Variants in CCK observed in about 807,000 individuals in gnomAD.
CCK encodes cholecystokinin triacontatriapeptide.
In CCK, 11 loss-of-function variants were observed where a neutral mutation model predicts 10.1. The ratio of observed to expected loss-of-function variants is 1.09; its 90% CI spans 0.69 to 1.81. CCK has a LOEUF of 1.81. CCK is among the 40% of genes most tolerant of loss of function. CCK has a pLI of 0.00. For missense variants in CCK, 137 were observed against 159.9 expected, an observed-to-expected ratio of 0.86 and a Z score of 0.77; for synonymous variants, 83 against 71.9, an observed-to-expected ratio of 1.15 and a Z score of -0.78.
intron 4 of CCK, among the ~76,000 whole-genome samples, chr3:42,259,466 T>C (rs1452003714): frequency 1.3e-5 from 2 of 152,208 alleles, no homozygotes; most frequent in Non-Finnish European, 2.9e-5. Context: ...GAGTTGATGA[T>C]CATTTTATTT....
chr3:42,263,032 C>T, intron 4 of CCK: 1 of 346,418 alleles, frequency 2.9e-6, no homozygotes. Context: ...GCATTGACCC[C>T]TTCCTGCTAG....
intron 4 of CCK, 159 bp downstream of exon 4, chr3:42,263,258 T>C (rs1711240317): frequency 1.8e-6 from 2 of 1,095,470 alleles, no homozygotes; most frequent in East Asian, 4.7e-5. Flanking sequence ...AAGTCCTCCA[T>C]ACCCCTTCTC....
rs779667586 is a variant in CCK, at chr3:42,263,298, T to C, written c.214+119A>G. 17 of 1,471,334 alleles carry C rather than the reference T, an allele frequency of 1.2e-5. No individual in the cohort carries two copies. The East Asian group carries it at 2.7e-4, about 23-fold the overall frequency. The allele number at this position is 1,471,334 out of a possible 1,614,324, so 91.1% of individuals were successfully genotyped here. On this transcript the variant is annotated intron_variant, in intron 4 of 4. Coordinates refer to ENST00000396169, the MANE Select transcript of CCK (RefSeq NM_000729.6). The stretch of plus-strand genomic sequence containing the variant: ...TGCTACAAAGGACCGCCAGAAATCA[T>C]GTTGCTTGTTTCCTACCGAGAGAGG...
Position 42,258,113 on chromosome 3 carries a change from A to G in CCK, c.333T>C (p.Tyr111=), listed in dbSNP as rs1279699375. 6.8e-6 allele frequency: 11 copies of G among 1,613,738 alleles called. No individual in the cohort carries two copies. Among genetic ancestry groups the G allele is most frequent in the Non-Finnish European group, 9.3e-6 (11 of 1,179,904 alleles). ...GCTGGGTCCTCTAGGAGGGGTACTC[A>G]TACTCCTCGGCACTGCGACGGCCAA... is the stretch of plus-strand genomic sequence containing the variant. ...MDFGRRSAEE[Y]EYPS Residue 111 remains tyrosine, a synonymous_variant, in exon 5 of 5, where the codon TAT becomes TAC. Transcript: ENST00000396169.
rs892305990 is a variant in CCK, at chr3:42,264,004, AT to A, written c.-2-373del. On this transcript the variant is annotated intron_variant, in intron 3 of 4. Coordinates refer to ENST00000396169, the MANE Select transcript of CCK (RefSeq NM_000729.6). Reference sequence around the variant, plus strand: ...CGAGATTAAAAATAGTGTGAAAAAAATATCCTAAAGGGAAGACTCCGTGGGA... The same window carrying A: ...CGAGATTAAAAATAGTGTGAAAAAAAATCCTAAAGGGAAGACTCCGTGGGA... 40 of 203,590 alleles carry A rather than the reference AT, an allele frequency of 2.0e-4. No homozygotes were observed. In the Middle Eastern group the frequency reaches 7.0e-3, roughly 36 times the overall value. 12.6% of individuals were successfully genotyped at this position (203,590 alleles called of 1,614,324 possible).
chr3:42,258,269 A>G (rs1336186796), intron 4 of CCK, 38 bp from the exon 5 acceptor site: 2 of 1,595,412 alleles, frequency 1.3e-6, no homozygotes, highest in Admixed American at 1.8e-5. Context: ...GGGACATTGC[A>G]TCTAAAAGCA....
At position 42,263,607 on chromosome 3, in the gene CCK, G is replaced by A. The variant is rs1029358893; in HGVS notation, c.24C>T (p.Cys8=). 3 of 1,603,522 alleles carry A rather than the reference G, an allele frequency of 1.9e-6. No homozygotes were observed. The highest frequency in any genetic ancestry group is 2.6e-6 in the Non-Finnish European group (3 of 1,174,830). The part of the protein sequence containing the change: MNSGVCL[C]VLMAVLAAGA... The stretch of plus-strand genomic sequence containing the variant: ...CAGCCGCCAGTACCGCCATCAGCAC[G>A]CACAGGCACACGCCGCTGTTCATGG... Residue 8 remains cysteine, a synonymous_variant, in exon 4 of 5, where the codon TGC becomes TGT. Coordinates refer to ENST00000396169, the MANE Select transcript of CCK (RefSeq NM_000729.6).
chr3:42,265,154 G>A (rs988362065), intron 2 of CCK, 115 bp downstream of exon 2: 2 of 152,002 alleles, frequency 1.3e-5, no homozygotes, highest in African/African-American at 4.8e-5. Flanking sequence ...AGGAAACTGG[G>A]GGCGGGGGTG....
Position 42,263,604 on chromosome 3 carries a change from C to G in CCK, c.27G>C (p.Val9=). ...CGCCAGCCGCCAGTACCGCCATCAGCACGCACAGGCACACGCCGCTGTTCA... is the reference window on the plus strand; with the variant it reads ...CGCCAGCCGCCAGTACCGCCATCAGGACGCACAGGCACACGCCGCTGTTCA... MNSGVCLC[V]LMAVLAAGAL... Residue 9 remains valine, a synonymous_variant, in exon 4 of 5, where the codon GTG becomes GTC. Transcript: ENST00000396169. The G allele has an allele frequency of 6.2e-7, 1 of 1,603,878 alleles. No individual in the cohort carries two copies. The highest frequency in any genetic ancestry group is 1.3e-5 in the African/African-American group (1 of 74,846).
intron 4 of CCK, chr3:42,263,015 A>G (rs1288260580): frequency 3.2e-6 from 1 of 312,302 alleles, no homozygotes; most frequent in Non-Finnish European, 6.1e-6. Context: ...GATCTCAGGC[A>G]TTCTCAGCAT....
intron 4 of CCK, among the ~76,000 whole-genome samples, chr3:42,260,464 T>C (rs1330712529): frequency 2.0e-5 from 3 of 152,190 alleles, no homozygotes; most frequent in African/African-American, 7.2e-5. Context: ...GGGGGCACCA[T>C]GTTCAGTCAT....
At chr3:42,265,141 GA>G (rs1711268236) in intron 2 of CCK, 127 bp downstream of exon 2, 2 of 123,886 alleles carry the variant, frequency 1.6e-5, no homozygotes, top group Admixed American at 1.7e-4. Flanking sequence ...GGAGGGGCTA[GA>G]AAGGAAACTG....
chr3:42,264,271 A>C (rs1475957127), intron 3 of CCK, among the ~76,000 whole-genome samples: 5 of 152,246 alleles, frequency 3.3e-5, no homozygotes, highest in African/African-American at 1.2e-4. Context: ...AGCCCCGTGC[A>C]TTTTAGATCG....
intron 3 of CCK, among the ~76,000 whole-genome samples, chr3:42,264,236 A>G (rs1381429710): frequency 6.6e-6 from 1 of 152,230 alleles, no homozygotes; most frequent in Non-Finnish European, 1.5e-5. Context: ...AATCAGAAAT[A>G]TGTGCCCAGC....
At chr3:42,259,036 G>A (rs1020513135) in intron 4 of CCK, among the ~76,000 whole-genome samples, 15 of 152,170 alleles carry the variant, frequency 9.9e-5, no homozygotes, top group Admixed American at 1.3e-4. Context: ...AAAAGGATGC[G>A]TTCATGTCCT....
At chr3:42,261,554 A>G (rs536759877) in intron 4 of CCK, among the ~76,000 whole-genome samples, 7 of 151,916 alleles carry the variant, frequency 4.6e-5, no homozygotes, top group African/African-American at 1.2e-4. Flanking sequence ...GCTAAGATTT[A>G]TGCTATAAGA....
intron 4 of CCK, among the ~76,000 whole-genome samples, chr3:42,260,421 C>T (rs1228841015): frequency 3.3e-5 from 5 of 152,196 alleles, no homozygotes; most frequent in Non-Finnish European, 5.9e-5. Context: ...AAGGTGACAG[C>T]TTCAATACGA....
chr3:42,263,589 C>T lies in CCK; in HGVS notation c.42G>A (p.Leu14=). The T allele has an allele frequency of 6.2e-7, 1 of 1,607,784 alleles. No individual in the cohort carries two copies. The highest frequency in any genetic ancestry group is 8.5e-7 in the Non-Finnish European group (1 of 1,177,030). The stretch of plus-strand genomic sequence containing the variant: ...CCGGCTGCGTCAGGGCGCCAGCCGC[C>T]AGTACCGCCATCAGCACGCACAGGC... ...GVCLCVLMAV[L]AAGALTQPVP... Residue 14 remains leucine (L), a synonymous_variant, in exon 4 of 5, where the codon CTG becomes CTA. Coordinates refer to ENST00000396169, the MANE Select transcript of CCK (RefSeq NM_000729.6).
At chr3:42,263,700 G>A (rs1711250048) in intron 3 of CCK, 68 bp from the exon 4 acceptor site, 2 of 1,456,684 alleles carry the variant, frequency 1.4e-6, no homozygotes, top group Non-Finnish European at 9.1e-7. Context: ...GCGGCGGGCC[G>A]GGCACCCAGA....
Sources: gnomAD v4.1 joint callset for allele counts (sites outside exome capture counted in the v4.1 genomes callset) on GRCh38, gnomAD v4.1.1 for gene constraint, MANE v1.5 for transcripts, NCBI Gene and HGNC (gene_info 2026-07-23, HGNC 2026-07-21) for gene names.